ZMYM4: variants seen among roughly 807,000 people sequenced by gnomAD.
ZMYM4 encodes the protein zinc finger MYM-type containing 4, also known as zinc finger MYM-type protein 4.
In ZMYM4, 31 loss-of-function variants were observed where a neutral mutation model predicts 183.2. The ratio of observed to expected loss-of-function variants is 0.17; its 90% confidence interval spans 0.13 to 0.23. The LOEUF (loss-of-function observed/expected upper bound fraction) is 0.23. ZMYM4 is among the 10% of genes least tolerant of loss of function. The probability of loss-of-function intolerance (pLI) is 1.00; values close to 1 mark genes in which losing one functional copy is unlikely to be tolerated. For missense variants in ZMYM4, 1,273 were observed against 1,840.3 expected (o/e 0.69, Z 5.64); for synonymous variants, 592 against 631.2 (o/e 0.94, Z 0.93).
At chr1:35,308,305 T>C (rs1357958742) in intron 1 of ZMYM4, among the ~76,000 whole-genome samples, 3 of 152,288 alleles carry the variant, frequency 2.0e-5, no homozygotes, top group Admixed American at 2.0e-4. Context: ...GTACTTAATT[T>C]TAAGGTAGTT....
chr1:35,330,359 C>G (rs1180848656), intron 2 of ZMYM4, among the ~76,000 whole-genome samples: 1 of 152,154 alleles, frequency 6.6e-6, no homozygotes, highest in East Asian at 1.9e-4. Context: ...GCTCTTCCAG[C>G]TATCTGGATT....
At chr1:35,394,855 T>C (rs1237167223) in intron 18 of ZMYM4, among the ~76,000 whole-genome samples, 1 of 151,656 alleles carries the variant, frequency 6.6e-6, no homozygotes, top group Admixed American at 6.6e-5. Flanking sequence ...GGCTCACACC[T>C]GTAATCCCAG....
At chr1:35,397,309 C>G in intron 19 of ZMYM4, 68 bp from the exon 20 acceptor site, 2 of 1,411,836 alleles carry the variant, frequency 1.4e-6, no homozygotes, top group Non-Finnish European at 1.9e-6. Flanking sequence ...TAAATCATCT[C>G]ACAAATCATA....
chr1:35,411,665 G>A (rs1358005386), intron 26 of ZMYM4, among the ~76,000 whole-genome samples: 3 of 152,186 alleles, frequency 2.0e-5, no homozygotes, highest in Non-Finnish European at 1.5e-5. Flanking sequence ...TGATTGCAGT[G>A]AATCTATAAA....
At chr1:35,320,704 C>T (rs1227837097) in intron 1 of ZMYM4, among the ~76,000 whole-genome samples, 1 of 152,094 alleles carries the variant, frequency 6.6e-6, no homozygotes, top group Non-Finnish European at 1.5e-5. Context: ...TAGATAGTGT[C>T]AGAATTGAAG....
chr1:35,402,767 C>T (rs1338439022), intron 23 of ZMYM4, among the ~76,000 whole-genome samples: 1 of 152,074 alleles, frequency 6.6e-6, no homozygotes, highest in East Asian at 1.9e-4. Flanking sequence ...TGTGACTTTG[C>T]TCAACTAAAA....
At chr1:35,332,002 A>G (rs1161897424) in intron 2 of ZMYM4, among the ~76,000 whole-genome samples, 2 of 151,938 alleles carry the variant, frequency 1.3e-5, no homozygotes, top group South Asian at 4.1e-4. Flanking sequence ...CCCAGTGAAA[A>G]GATAAGAGAA....
At chr1:35,328,121 A>G (rs1642583053) in intron 2 of ZMYM4, among the ~76,000 whole-genome samples, 1 of 152,208 alleles carries the variant, frequency 6.6e-6, no homozygotes, top group Admixed American at 6.5e-5. Flanking sequence ...AAACATTCTT[A>G]AAGAGGCAAT....
intron 1 of ZMYM4, among the ~76,000 whole-genome samples, chr1:35,311,438 A>AG (rs1393648556): frequency 6.6e-6 from 1 of 151,580 alleles, no homozygotes; most frequent in Non-Finnish European, 1.5e-5. Flanking sequence ...AAAAAAAAAA[A>AG]AAGTCATAAA....
intron 19 of ZMYM4, 197 bp from the exon 20 acceptor site, chr1:35,397,180 G>A (rs1380737134): frequency 9.3e-7 from 1 of 1,078,906 alleles, no homozygotes; most frequent in Non-Finnish European, 1.2e-6. Context: ...TTGGTTGAGT[G>A]TCCAAAGCAC....
At chr1:35,270,621 G>A (rs1337057591) in intron 1 of ZMYM4, among the ~76,000 whole-genome samples, 3 of 152,064 alleles carry the variant, frequency 2.0e-5, no homozygotes, top group African/African-American at 7.2e-5. Flanking sequence ...TTAACCCGGC[G>A]TGGTGGCGGG....
intron 1 of ZMYM4, among the ~76,000 whole-genome samples, chr1:35,312,542 G>A (rs113856699): frequency 0.015 from 2,351 of 152,206 alleles, 66 homozygotes; most frequent in African/African-American, 0.054. Context: ...AGAATTTCGT[G>A]TTTAATCTGT....
intron 2 of ZMYM4, chr1:35,350,942 C>A (rs1643583128): frequency 3.0e-6 from 2 of 666,794 alleles, no homozygotes; most frequent in Non-Finnish European, 5.4e-6. Flanking sequence ...ATATGATAGT[C>A]TGTGCGGCAT....
chr1:35,409,220 G>A (rs1465651873), intron 26 of ZMYM4, among the ~76,000 whole-genome samples: 2 of 152,282 alleles, frequency 1.3e-5, no homozygotes, highest in South Asian at 2.1e-4. Context: ...TGGTGATTGT[G>A]AATACGCTGC....
chr1:35,365,508 G>A (rs913033880), intron 5 of ZMYM4, among the ~76,000 whole-genome samples: 1 of 151,994 alleles, frequency 6.6e-6, no homozygotes, highest in African/African-American at 2.4e-5. Flanking sequence ...ATTAAAATGG[G>A]AAAGCAAATG....
intron 11 of ZMYM4, among the ~76,000 whole-genome samples, 161 bp from the exon 12 acceptor site, chr1:35,386,842 G>C (rs1032781753): frequency 3.3e-5 from 5 of 152,132 alleles, no homozygotes; most frequent in Non-Finnish European, 5.9e-5. Context: ...TCATAAATGA[G>C]ACTCCCCCCA....
chr1:35,278,426 G>GTT (rs35594581), intron 1 of ZMYM4, among the ~76,000 whole-genome samples: 39 of 124,574 alleles, frequency 3.1e-4, no homozygotes, highest in East Asian at 4.5e-4. Flanking sequence ...CATGAACTCT[G>GTT]TTTTTTTTTT....
At chr1:35,342,521 A>G (rs573415937) in intron 2 of ZMYM4, among the ~76,000 whole-genome samples, 64 of 152,244 alleles carry the variant, frequency 4.2e-4, no homozygotes, top group South Asian at 1.0e-3. Context: ...TAGCATCTCA[A>G]TGCATTTCCC....
At chr1:35,329,903 A>G (rs895359903) in intron 2 of ZMYM4, among the ~76,000 whole-genome samples, 5 of 152,138 alleles carry the variant, frequency 3.3e-5, no homozygotes, top group Admixed American at 2.6e-4. Flanking sequence ...TTAACTATAT[A>G]TAATAGAAGC....
Sources: allele counts gnomAD v4.1 joint callset (sites outside exome capture counted in the v4.1 genomes callset), GRCh38; gene constraint gnomAD v4.1.1; transcripts MANE v1.5; gene names NCBI Gene and HGNC (gene_info 2026-07-23, HGNC 2026-07-21).